Variants in TMC3 observed in about 807,000 individuals in gnomAD.
The protein encoded by TMC3 is transmembrane channel-like protein 3.
Under a neutral mutation model 110.6 loss-of-function variants are expected in TMC3, and 98 were observed. That is an observed-to-expected ratio of 0.89 (90% CI 0.75 to 1.05). TMC3 has a LOEUF of 1.05. TMC3 is among the 50% of genes least tolerant of loss of function. The pLI, the probability that TMC3 is intolerant of heterozygous loss-of-function variation, is 0.00. For missense variants in TMC3, 1,319 were observed against 1,373.2 expected (o/e 0.96, Z 0.62); for synonymous variants, 489 against 513.1 (o/e 0.95, Z 0.63).
chr15:81,351,123 C>A (rs58027020), intron 10 of TMC3, among the ~76,000 whole-genome samples: 23,910 of 152,136 alleles, frequency 0.16, 3,593 homozygotes, highest in African/African-American at 0.4. Context: ...GTCGGTGAGG[C>A]TCAAAGGTAG....
At position 81,358,386 on chromosome 15, in the gene TMC3, C is replaced by G. The variant is rs774490545; in HGVS notation, c.600+16G>C. On this transcript the variant is annotated intron_variant, in intron 6 of 21. Transcript: ENST00000359440. ...CCTTCCCTCAAGACAAGAGTGTGGC[C>G]AAGCATCAATCTCACCCCCAGAGAC... 5 of 1,609,128 alleles carry G rather than the reference C, an allele frequency of 3.1e-6. No homozygotes were observed. The Admixed American group carries it at 8.4e-5, about 27-fold the overall frequency.
intron 19 of TMC3, 120 bp from the exon 20 acceptor site, chr15:81,336,771 T>C: frequency 9.8e-7 from 1 of 1,019,042 alleles, no homozygotes; most frequent in South Asian, 1.3e-5. Flanking sequence ...ACCATAACTG[T>C]ACTACTATTG....
At position 81,364,971 on chromosome 15, in the gene TMC3, A is replaced by G. The variant is rs570488403; in HGVS notation, c.313-2670T>C. Among the ~76,000 whole-genome samples, 166 of 151,846 alleles carry G rather than the reference A, an allele frequency of 1.1e-3. 1 individual carries two copies. The highest frequency in any genetic ancestry group is 3.8e-3 in the African/African-American group (159 of 41,482). ...TATATGCTTATTATGTATAACAAAC[A>G]TGGTTTGAAGCAATGTTTCTCATGA... On this transcript the variant is annotated intron_variant, in intron 3 of 21. Coordinates refer to ENST00000359440, the MANE Select transcript of TMC3 (RefSeq NM_001080532.3).
At chr15:81,364,361 A>G (rs1372073588) in intron 3 of TMC3, among the ~76,000 whole-genome samples, 2 of 152,146 alleles carry the variant, frequency 1.3e-5, no homozygotes, top group Admixed American at 6.5e-5. Flanking sequence ...GGCATGGGGG[A>G]AAAAGTTTCA....
chr15:81,331,790 A>AAGG lies in TMC3; in HGVS notation c.*628_*629insCCT, dbSNP rs1179184245. 1 of 152,076 alleles carries AAGG rather than the reference A, an allele frequency of 6.6e-6. No individual in the cohort carries two copies. The highest frequency in any genetic ancestry group is 2.4e-5 in the African/African-American group (1 of 41,336). 9.4% of individuals were successfully genotyped at this position (152,076 alleles called of 1,614,324 possible). ...AAATGGAGCATTCCCCTGGTAAGGG[A>AAGG]AGAACCTCGAGTGAGCGCGTGCACA... On this transcript the variant is annotated 3_prime_UTR_variant, in exon 22 of 22. Transcript: ENST00000359440.
At chr15:81,340,329 C>T (rs1052739054) in intron 16 of TMC3, among the ~76,000 whole-genome samples, 1 of 152,068 alleles carries the variant, frequency 6.6e-6, no homozygotes, top group Non-Finnish European at 1.5e-5. Context: ...AGTTGTGAAA[C>T]TTCTTTATCT....
intron 9 of TMC3, among the ~76,000 whole-genome samples, chr15:81,355,332 A>G (rs180751721): frequency 4.9e-4 from 74 of 152,318 alleles, no homozygotes; most frequent in Non-Finnish European, 9.1e-4. Flanking sequence ...CTTGAGAAGA[A>G]TCTTGAACCT....
intron 4 of TMC3, among the ~76,000 whole-genome samples, chr15:81,360,249 T>G (rs1894157475): frequency 6.6e-6 from 1 of 152,230 alleles, no homozygotes; most frequent in East Asian, 1.9e-4. Flanking sequence ...TAGTTTCTAT[T>G]AAACTTTTAG....
At chr15:81,333,332 G>C in intron 21 of TMC3, 70 bp from the exon 22 acceptor site, 1 of 1,532,646 alleles carries the variant, frequency 6.5e-7, no homozygotes, top group African/African-American at 1.4e-5. Context: ...AGGACTGTGA[G>C]CTGTGAGCAG....
At chr15:81,355,310 A>C (rs929169395) in intron 9 of TMC3, among the ~76,000 whole-genome samples, 2 of 152,162 alleles carry the variant, frequency 1.3e-5, no homozygotes, top group Non-Finnish European at 2.9e-5. Context: ...TCACCAGCAT[A>C]GCTCTCAAGA....
chr15:81,371,893 A>C (rs1894441430), intron 2 of TMC3, among the ~76,000 whole-genome samples: 2 of 152,228 alleles, frequency 1.3e-5, no homozygotes, highest in African/African-American at 2.4e-5. Context: ...AACGTGCTGC[A>C]GGAAGTTAAG....
Position 81,359,453 on chromosome 15 carries a change from A to G in TMC3, c.413T>C (p.Val138Ala). Residue 138 changes from valine to alanine, a missense_variant, in exon 5 of 22, where the codon GTT (valine) becomes GCT (alanine). Val to Ala is a moderately conservative substitution (Grantham distance 64, BLOSUM62 0). Coordinates refer to ENST00000359440, the MANE Select transcript of TMC3 (RefSeq NM_001080532.3). ...TCTCAAGAATATGAAATAGGAGGCA[A>G]CGCCAGATCCAAAATGACCTAAAGA... ...KKIESHFGSGVASYFIFLRWL... is the reference protein window; with the variant it reads ...KKIESHFGSGAASYFIFLRWL... The G allele has an allele frequency of 6.3e-7, 1 of 1,597,488 alleles. No homozygotes were observed. The highest frequency in any genetic ancestry group is 1.8e-5 in the Admixed American group (1 of 56,412).
intron 12 of TMC3, 136 bp from the exon 13 acceptor site, chr15:81,345,147 C>G (rs1477744552): frequency 4.2e-6 from 6 of 1,420,236 alleles, no homozygotes; most frequent in East Asian, 5.0e-5. Flanking sequence ...CATCCTCTTT[C>G]TCTTTCTAGA....
intron 4 of TMC3, 39 bp from the exon 5 acceptor site, chr15:81,359,510 A>C (rs1344009539): frequency 2.9e-6 from 4 of 1,363,884 alleles, no homozygotes; most frequent in Non-Finnish European, 3.0e-6. Context: ...TTTAAATAAA[A>C]TCCTCATAGT....
chr15:81,351,899 T>G, intron 9 of TMC3, 58 bp from the exon 10 acceptor site: 1 of 1,579,870 alleles, frequency 6.3e-7, no homozygotes, highest in Non-Finnish European at 8.6e-7. Context: ...AGCACCACGA[T>G]GCAAAGACAA....
At chr15:81,351,585 C>G in intron 10 of TMC3, 109 bp downstream of exon 10, 1 of 1,390,024 alleles carries the variant, frequency 7.2e-7, no homozygotes, top group Non-Finnish European at 9.7e-7. Context: ...CTCCTGACCT[C>G]AAGTGATCCA....
At chr15:81,364,700 CAAAA>C (rs71153571) in intron 3 of TMC3, among the ~76,000 whole-genome samples, 2 of 110,328 alleles carry the variant, frequency 1.8e-5, no homozygotes, top group South Asian at 8.1e-4. Flanking sequence ...AACATTATTC[CAAAA>C]AAAAAAAAAT....
At chr15:81,369,944 C>A (rs567820586) in intron 2 of TMC3, among the ~76,000 whole-genome samples, 19 of 152,086 alleles carry the variant, frequency 1.2e-4, no homozygotes, top group South Asian at 2.1e-4. Context: ...ACAACAACAA[C>A]AAAAAACCAG....
In TMC3 at chr15:81,368,312, C is replaced by G. The variant is rs1047643551; in HGVS notation, c.253G>C (p.Val85Leu). The G allele has an allele frequency of 6.2e-7, 1 of 1,613,506 alleles. No individual in the cohort carries two copies. The highest frequency in any genetic ancestry group is 8.5e-7 in the Non-Finnish European group (1 of 1,179,586). The part of the protein sequence containing the change: ...LRALRQAKNI[V>L]LKFEGRLTRT... ...GTCAGCCTCCCTTCAAACTTCAGCA[C>G]AATGTTCTTCGCTTGTCTAAGAGAA... The change falls in exon 3 of 22, where the codon GTG (valine) becomes CTG (leucine). Residue 85 changes from valine to leucine, a missense_variant. Transcript: ENST00000359440.
Sources: allele counts gnomAD v4.1 joint callset (sites outside exome capture counted in the v4.1 genomes callset), GRCh38; gene constraint gnomAD v4.1.1; transcripts MANE v1.5; gene names NCBI Gene and HGNC (gene_info 2026-07-23, HGNC 2026-07-21).